Variants in ECM2 observed in about 807,000 individuals in gnomAD.
The protein encoded by ECM2 is extracellular matrix protein 2, female organ and adipocyte specific.
ECM2 carries 57 observed loss-of-function variants against 67.5 expected under a neutral mutation model. The ratio of observed to expected loss-of-function variants is 0.84; its 90% CI spans 0.68 to 1.05. The LOEUF (loss-of-function observed/expected upper bound fraction) is 1.05, where lower values mean the gene tolerates loss of function less well. ECM2 is among the 50% of genes least tolerant of loss of function. ECM2 has a pLI of 0.00. For synonymous variants in ECM2, 258 were observed against 294.5 expected (o/e 0.88, Z 1.27); for missense variants, 741 against 822.8 (o/e 0.90, Z 1.22).
In ECM2 at chr9:92,500,927, G is replaced by A. The variant is rs1414024078; in HGVS notation, c.1731C>T (p.Gly577=). 3 of 1,614,040 alleles carry A rather than the reference G, an allele frequency of 1.9e-6. No individual in the cohort carries two copies. The highest frequency in any genetic ancestry group is 1.3e-5 in the African/African-American group (1 of 74,918). ...AGTATTCCAGGCCTGGTTCCATGTG[G>A]CCAAACACATAGCCAGGGATCCGTT... ...QIERIPGYVF[G]HMEPGLEYLY... is the part of the protein sequence containing the mutation. Residue 577 remains glycine (G), a synonymous_variant, in exon 9 of 10, where the codon GGC becomes GGT. Transcript: ENST00000344604.
the ECM2 span, among the ~76,000 whole-genome samples, chr9:92,558,557 G>A: frequency 2.0e-5 from 3 of 152,154 alleles, no homozygotes; most frequent in Non-Finnish European, 4.4e-5. Context: ...AGGGTGCAAT[G>A]GACACCATGA....
At chr9:92,548,036 G>T in the ECM2 span, among the ~76,000 whole-genome samples, 1 of 152,180 alleles carries the variant, frequency 6.6e-6, no homozygotes, top group Non-Finnish European at 1.5e-5. Flanking sequence ...AAATCCAAAA[G>T]AATTTTCAGA....
chr9:92,499,702 C>G (rs1434316276), intron 9 of ECM2, among the ~76,000 whole-genome samples: 1 of 152,216 alleles, frequency 6.6e-6, no homozygotes, highest in Non-Finnish European at 1.5e-5. Context: ...CCATCTCTTC[C>G]TCCAGTACCT....
chr9:92,528,783 A>G (rs1260030305), intron 1 of ECM2, among the ~76,000 whole-genome samples: 1 of 152,210 alleles, frequency 6.6e-6, no homozygotes, highest in African/African-American at 2.4e-5. Context: ...TGCGTACAAT[A>G]ACTTGACAGT....
chr9:92,509,940 T>C lies in ECM2; in HGVS notation c.1265A>G (p.Asn422Ser), dbSNP rs922838347. The C allele has an allele frequency of 2.5e-6, 4 of 1,608,822 alleles. No individual in the cohort carries two copies. Among genetic ancestry groups the C allele is most frequent in the East Asian group, 2.2e-5 (1 of 44,836 alleles). The change falls in exon 6 of 10, where the codon AAT (asparagine) becomes AGT (serine). Residue 422 changes from asparagine (N) to serine (S), a missense_variant. Coordinates refer to ENST00000344604, the MANE Select transcript of ECM2 (RefSeq NM_001393.4). The part of the protein sequence containing the change: ...LPSTLEELKV[N>S]ENNLQAIDEE... ...ATCGATAGCCTGAAGATTGTTCTCA[T>C]TGACTTTAAGTTCTTCTAATGTAGA...
At chr9:92,505,152 C>T (rs1055507672) in intron 7 of ECM2, among the ~76,000 whole-genome samples, 1 of 152,210 alleles carries the variant, frequency 6.6e-6, no homozygotes, top group Non-Finnish European at 1.5e-5. Context: ...AGTGGACACT[C>T]TGTTACGGTT....
chr9:92,498,743 TATG>T (rs943143913), intron 9 of ECM2, among the ~76,000 whole-genome samples: 1 of 152,210 alleles, frequency 6.6e-6, no homozygotes, highest in African/African-American at 2.4e-5. Flanking sequence ...AAGCTTTTAT[TATG>T]AGCAGTAATA....
chr9:92,506,299 G>A (rs117386741), intron 6 of ECM2, among the ~76,000 whole-genome samples: 3,574 of 152,320 alleles, frequency 0.023, 90 homozygotes, highest in South Asian at 0.12. Context: ...ACAGAGTGCA[G>A]CCAAATGGAA....
At chr9:92,502,741 TATC>T in intron 7 of ECM2, 89 bp from the exon 8 acceptor site, 2 of 1,111,902 alleles carry the variant, frequency 1.8e-6, no homozygotes, top group Non-Finnish European at 2.5e-6. Context: ...CATAGACTAT[TATC>T]ATTAGTATTA....
chr9:92,548,816 A>G, the ECM2 span, among the ~76,000 whole-genome samples: 1 of 152,176 alleles, frequency 6.6e-6, no homozygotes, highest in Non-Finnish European at 1.5e-5. Flanking sequence ...CACTGATCTT[A>G]GAGTTGATGA....
chr9:92,559,042 G>A, the ECM2 span, among the ~76,000 whole-genome samples: 1 of 152,068 alleles, frequency 6.6e-6, no homozygotes, highest in South Asian at 2.1e-4. Context: ...AAACTTACCC[G>A]AGGCTGTCCA....
At chr9:92,529,822 CAG>C (rs1341018855) in intron 1 of ECM2, among the ~76,000 whole-genome samples, 4 of 152,166 alleles carry the variant, frequency 2.6e-5, no homozygotes, top group Admixed American at 6.5e-5. Context: ...AGGTGGAACA[CAG>C]AGGATTCTTA....
chr9:92,524,582 A>G (rs1848277266), intron 1 of ECM2, among the ~76,000 whole-genome samples: 1 of 152,150 alleles, frequency 6.6e-6, no homozygotes, highest in Non-Finnish European at 1.5e-5. Context: ...ACATACTCAC[A>G]TACACACACC....
At chr9:92,507,133 A>C (rs1452610698) in intron 6 of ECM2, among the ~76,000 whole-genome samples, 2 of 152,132 alleles carry the variant, frequency 1.3e-5, no homozygotes, top group Non-Finnish European at 2.9e-5. Context: ...TCTAGGCAGC[A>C]AGATGGGGAT....
intron 4 of ECM2, 47 bp from the exon 5 acceptor site, chr9:92,512,173 C>T (rs1847388124): frequency 4.0e-6 from 5 of 1,241,078 alleles, no homozygotes; most frequent in African/African-American, 1.5e-5. Context: ...CATATACATA[C>T]ATGTACACAC....
chr9:92,557,293 G>A, the ECM2 span, among the ~76,000 whole-genome samples: 1 of 152,180 alleles, frequency 6.6e-6, no homozygotes, highest in Non-Finnish European at 1.5e-5. Context: ...TGATGACAGT[G>A]TGCCTAGGCA....
At chr9:92,494,033 G>A, downstream of ECM2, 2 of 1,578,076 alleles carry the variant, frequency 1.3e-6, no homozygotes, top group Non-Finnish European at 8.6e-7. Context: ...TTTTCTGACT[G>A]CACAGCACTT....
intron 9 of ECM2, among the ~76,000 whole-genome samples, chr9:92,499,139 T>G (rs959049428): frequency 6.6e-6 from 1 of 152,216 alleles, no homozygotes; most frequent in Non-Finnish European, 1.5e-5. Context: ...AAGAGCCAGT[T>G]TGAATGGCGA....
the ECM2 span, among the ~76,000 whole-genome samples, chr9:92,557,388 T>C: frequency 2.0e-5 from 3 of 152,238 alleles, no homozygotes; most frequent in African/African-American, 7.2e-5. Context: ...CTGGGGAAGT[T>C]TTCCTCAATT....
Sources: allele counts gnomAD v4.1 joint callset (sites outside exome capture counted in the v4.1 genomes callset), GRCh38; gene constraint gnomAD v4.1.1; transcripts MANE v1.5; gene names NCBI Gene and HGNC (gene_info 2026-07-23, HGNC 2026-07-21).